Variants in ERICH1 observed in about 807,000 individuals in gnomAD.
ERICH1 encodes the protein glutamate-rich protein 1.
In ERICH1, 56 loss-of-function variants were observed where a neutral mutation model predicts 39.6. The observed-to-expected ratio is 1.41, with a 90% CI of 1.14 to 1.77. ERICH1 has a LOEUF of 1.77. ERICH1 is among the 40% of genes most tolerant of loss of function. The probability of loss-of-function intolerance (pLI) is 0.00; values close to 1 mark genes in which losing one functional copy is unlikely to be tolerated. For missense variants in ERICH1, 826 were observed against 575.4 expected (o/e 1.44, Z -4.45); for synonymous variants, 313 against 223.6 (o/e 1.40, Z -3.57).
At chr8:614,846 G>A (rs1045235980) in exon 4 of ERICH1, 8 of 187,266 alleles carry the variant, frequency 4.3e-5, no homozygotes, top group African/African-American at 1.4e-4. Context: ...AGCATCCTTC[G>A]TGACAGGTGG....
At chr8:723,961 T>C (rs1303585150) in intron 1 of ERICH1, among the ~76,000 whole-genome samples, 1 of 152,216 alleles carries the variant, frequency 6.6e-6, no homozygotes, top group Non-Finnish European at 1.5e-5. Context: ...GAGTAGTAGA[T>C]TCTTGAGGAG....
intron 1 of ERICH1, among the ~76,000 whole-genome samples, chr8:728,189 G>GACCA (rs1340524861): frequency 6.6e-6 from 1 of 152,212 alleles, no homozygotes; most frequent in African/African-American, 2.4e-5. Context: ...CCCTCACAAT[G>GACCA]ACCAACCACC....
At chr8:629,920 C>G (rs1158775572) in intron 3 of ERICH1, among the ~76,000 whole-genome samples, 1 of 137,848 alleles carries the variant, frequency 7.3e-6, no homozygotes, top group African/African-American at 2.8e-5. Flanking sequence ...TGACTCACAC[C>G]CTCCCGTGAC....
chr8:691,472 C>T (rs1405921703), intron 3 of ERICH1, among the ~76,000 whole-genome samples: 3 of 152,260 alleles, frequency 2.0e-5, no homozygotes, highest in African/African-American at 7.2e-5. Flanking sequence ...GGGGCGAGAG[C>T]GCCAACCGCG....
intron 3 of ERICH1, among the ~76,000 whole-genome samples, chr8:676,349 A>G (rs866230063): frequency 5.0e-4 from 7 of 14,022 alleles, no homozygotes; most frequent in African/African-American, 1.2e-3. Flanking sequence ...GAGGACAGAG[A>G]CGCGGCGGCC....
chr8:699,874 GGCGCACAGATCCGCACAC>G (rs1811416693), intron 2 of ERICH1, among the ~76,000 whole-genome samples: 6 of 30,578 alleles, frequency 2.0e-4, no homozygotes, highest in African/African-American at 2.7e-4. Flanking sequence ...GACCCTCACA[GGCGCACAGATCCGCACAC>G]GCGCACAGAC....
chr8:727,786 G>A (rs988147953), intron 1 of ERICH1, among the ~76,000 whole-genome samples: 4 of 152,190 alleles, frequency 2.6e-5, no homozygotes, highest in African/African-American at 9.6e-5. Flanking sequence ...CTCTCTCCTT[G>A]ACGCGAGCGG....
chr8:695,352 G>C (rs1809910773), intron 2 of ERICH1, among the ~76,000 whole-genome samples: 2 of 151,970 alleles, frequency 1.3e-5, no homozygotes, highest in Non-Finnish European at 2.9e-5. Context: ...AAAGAAATCA[G>C]AGAAGACTGC....
intron 1 of ERICH1, among the ~76,000 whole-genome samples, chr8:719,116 G>C (rs1425550146): frequency 6.6e-6 from 1 of 152,014 alleles, no homozygotes; most frequent in Non-Finnish European, 1.5e-5. Flanking sequence ...CCTGGGCTGA[G>C]AGCCCGACCC....
intron 3 of ERICH1, chr8:627,261 C>A (rs1797642917): frequency 4.4e-6 from 2 of 455,788 alleles, no homozygotes; most frequent in Non-Finnish European, 8.8e-6. Context: ...GATAAGAACA[C>A]TTACCTTACA....
At chr8:654,220 G>A (rs551321583) in intron 3 of ERICH1, among the ~76,000 whole-genome samples, 7 of 152,246 alleles carry the variant, frequency 4.6e-5, no homozygotes, top group African/African-American at 1.2e-4. Flanking sequence ...TGCAAAATAC[G>A]CCAAAGGCTT....
intron 3 of ERICH1, among the ~76,000 whole-genome samples, chr8:624,415 A>G (rs900011658): frequency 2.0e-5 from 3 of 152,262 alleles, no homozygotes; most frequent in Non-Finnish European, 4.4e-5. Context: ...ACTCCTAGGC[A>G]CAGACCCAAG....
At chr8:649,710 G>C (rs956054819) in intron 3 of ERICH1, among the ~76,000 whole-genome samples, 1 of 152,178 alleles carries the variant, frequency 6.6e-6, no homozygotes, top group Non-Finnish European at 1.5e-5. Flanking sequence ...GGAAGACGGG[G>C]CTCCAAGGCC....
In ERICH1 at chr8:668,932, G is replaced by T. The variant is rs73670365; in HGVS notation, c.1064-140C>A. On this transcript the variant is annotated intron_variant, in intron 4 of 5. Coordinates refer to ENST00000262109, the MANE Select transcript of ERICH1 (RefSeq NM_207332.3). ...ATATCTGGGAGATGAGAAGCTACCA[G>T]AAGAGAGAATCAGAACAGAGCTCAG... 1,652 of 763,096 alleles carry T rather than the reference G, an allele frequency of 2.2e-3. 20 individuals are homozygous for T. In the African/African-American group the frequency reaches 0.025, roughly 12 times the overall value. 47.3% of individuals were successfully genotyped at this position (763,096 alleles called of 1,614,324 possible). A position where few individuals can be genotyped will look rare whatever the true frequency, so the allele number is the denominator to read the frequency against.
At chr8:637,537 G>GTA (rs1798537072) in intron 3 of ERICH1, 1 of 152,346 alleles carries the variant, frequency 6.6e-6, no homozygotes, top group African/African-American at 2.4e-5. Context: ...TGTTTCTCCC[G>GTA]TGGAGTCGTC....
chr8:684,030 A>T (rs1806752618), intron 3 of ERICH1, among the ~76,000 whole-genome samples: 1 of 152,356 alleles, frequency 6.6e-6, no homozygotes, highest in Non-Finnish European at 1.5e-5. Context: ...GAGTCTTAAA[A>T]ACTGACTTAG....
At chr8:686,702 G>A (rs1034281544) in intron 3 of ERICH1, 1 of 152,284 alleles carries the variant, frequency 6.6e-6, no homozygotes, top group Non-Finnish European at 1.5e-5. Context: ...TCCAAGTCCA[G>A]GCTCTCATCC....
chr8:615,540 T>C, intron 3 of ERICH1: 1 of 407,064 alleles, frequency 2.5e-6, no homozygotes, highest in Non-Finnish European at 4.3e-6. Context: ...ATGGCAGTGT[T>C]GATTACGGAG....
rs1409007234 is a variant in ERICH1, at chr8:692,761, CTGATTTTAATATGTCAAGTAT to C, written c.170-170_170-150del. On this transcript the variant is annotated intron_variant, in intron 2 of 5. Coordinates refer to ENST00000262109, the MANE Select transcript of ERICH1 (RefSeq NM_207332.3). ...TAAAACCTAACCACTGTCATAAATA[CTGATTTTAATATGTCAAGTAT>C]TGTGCCAGAAAAGCAGGTCAGCTAC... 4.0e-6 allele frequency: 4 copies of C among 991,100 alleles called. No homozygotes were observed. The African/African-American group carries it at 6.8e-5, about 17-fold the overall frequency. The allele number at this position is 991,100 out of a possible 1,614,324, so 61.4% of individuals were successfully genotyped here.
Sources: allele counts gnomAD v4.1 joint callset (sites outside exome capture counted in the v4.1 genomes callset), GRCh38; gene constraint gnomAD v4.1.1; transcripts MANE v1.5; gene names NCBI Gene and HGNC (gene_info 2026-07-23, HGNC 2026-07-21).